The following TRPS1 variants were observed in gnomAD, a reference collection of about 807,000 sequenced individuals.
TRPS1 encodes transcriptional repressor GATA binding 1.
A neutral mutation model predicts 101.2 loss-of-function variants in TRPS1; 6 were observed. The ratio of observed to expected loss-of-function variants is 0.06; its 90% CI spans 0.03 to 0.12. The LOEUF is 0.12. Ranked by LOEUF, TRPS1 falls within the 10% of genes least tolerant of loss-of-function variation. TRPS1 has a pLI of 1.00. For synonymous variants in TRPS1, 578 were observed against 589.8 expected (o/e 0.98, Z 0.29); for missense variants, 1,363 against 1,567.0 (o/e 0.87, Z 2.20).
At chr8:115,559,071 T>C (rs1816889781) in intron 5 of TRPS1, among the ~76,000 whole-genome samples, 1 of 152,122 alleles carries the variant, frequency 6.6e-6, no homozygotes, top group South Asian at 2.1e-4. Context: ...AGATAAAACC[T>C]CTGTCTTTTA....
chr8:115,634,034 G>C lies in TRPS1; in HGVS notation c.-121-10276C>G, dbSNP rs536458103. Among the ~76,000 whole-genome samples the C allele has an allele frequency of 7.3e-5, 11 of 151,358 alleles. No homozygotes were observed. In the South Asian group the frequency reaches 2.3e-3, roughly 31 times the overall value. ...ACAAACAACAACAACAAAAAAAAAG[G>C]CAGCCCACAAATGTGCTAAGAAAAC... On this transcript the variant is annotated intron_variant, in intron 1 of 6. Coordinates refer to ENST00000395715, the MANE Select transcript of TRPS1 (RefSeq NM_014112.5).
intron 2 of TRPS1, among the ~76,000 whole-genome samples, chr8:115,622,056 A>C (rs16887572): frequency 0.034 from 5,125 of 152,256 alleles, 300 homozygotes; most frequent in African/African-American, 0.12. Flanking sequence ...TGGAAGAGTG[A>C]AGTTTCAAGT....
chr8:115,519,497 T>C (rs1392065306), intron 5 of TRPS1, among the ~76,000 whole-genome samples: 1 of 151,642 alleles, frequency 6.6e-6, no homozygotes, highest in Non-Finnish European at 1.5e-5. Flanking sequence ...TCAAAGTCCA[T>C]TTCGATAGAT....
chr8:115,515,929 C>T (rs1189616468), intron 5 of TRPS1, among the ~76,000 whole-genome samples: 1 of 151,240 alleles, frequency 6.6e-6, no homozygotes, highest in African/African-American at 2.4e-5. Context: ...TTCTCTGATT[C>T]CCTGAAAACT....
chr8:115,455,009 T>G (rs1295901725), intron 5 of TRPS1, among the ~76,000 whole-genome samples: 1 of 152,218 alleles, frequency 6.6e-6, no homozygotes, highest in Admixed American at 6.5e-5. Context: ...CACCCTCACT[T>G]GCTGCCCAAG....
chr8:115,446,488 G>T (rs772552897), intron 5 of TRPS1, among the ~76,000 whole-genome samples: 12 of 152,060 alleles, frequency 7.9e-5, no homozygotes, highest in Non-Finnish European at 2.9e-5. Flanking sequence ...AGTGACCTGG[G>T]CCTGAGGCAG....
intron 5 of TRPS1, among the ~76,000 whole-genome samples, chr8:115,535,337 G>A (rs1477226632): frequency 1.0e-4 from 10 of 97,460 alleles, no homozygotes; most frequent in African/African-American, 4.3e-4. Context: ...CATATATAGC[G>A]CATATATATA....
chr8:115,427,750 G>T (rs1205287333), intron 5 of TRPS1, among the ~76,000 whole-genome samples: 1 of 150,612 alleles, frequency 6.6e-6, no homozygotes, highest in Non-Finnish European at 1.5e-5. Flanking sequence ...AGAAAGAAAT[G>T]AGTCATCCTT....
chr8:115,466,774 CAAATTCTA>C (rs1171405435), intron 5 of TRPS1, among the ~76,000 whole-genome samples: 1 of 152,084 alleles, frequency 6.6e-6, no homozygotes, highest in Non-Finnish European at 1.5e-5. Flanking sequence ...AACACCTTTG[CAAATTCTA>C]AAAATAAAGC....
At chr8:115,445,845 A>C (rs1414491504) in intron 5 of TRPS1, among the ~76,000 whole-genome samples, 1 of 152,174 alleles carries the variant, frequency 6.6e-6, no homozygotes, top group Admixed American at 6.5e-5. Context: ...CTTACCTATA[A>C]ATATCAATGC....
rs1815077733 is a variant in TRPS1, at chr8:115,493,488, T to G, written c.2701-75036A>C. Among the ~76,000 whole-genome samples, 3 of 152,126 alleles carry G rather than the reference T, an allele frequency of 2.0e-5. 1 individual carries two copies. The South Asian group carries it at 6.2e-4, about 32-fold the overall frequency. ...CCTCAGCCTCCCAAGTGGCTAGGAT[T>G]ACACATGTGCGCCATGACGCCCAGC... On this transcript the variant is annotated intron_variant, in intron 5 of 6. Coordinates refer to ENST00000395715, the MANE Select transcript of TRPS1 (RefSeq NM_014112.5).
intron 5 of TRPS1, among the ~76,000 whole-genome samples, chr8:115,555,768 C>T (rs1586398298): frequency 6.6e-6 from 1 of 152,030 alleles, no homozygotes; most frequent in African/African-American, 2.4e-5. Flanking sequence ...CTCTTCGGGG[C>T]TAAGTGGGCA....
At chr8:115,567,841 T>G (rs7006935) in intron 5 of TRPS1, among the ~76,000 whole-genome samples, 138,825 of 151,962 alleles carry the variant, frequency 0.91, 63,637 homozygotes, top group East Asian at 1. Context: ...TTTCAGGGCG[T>G]CTGTGTAGTA....
intron 5 of TRPS1, among the ~76,000 whole-genome samples, chr8:115,463,462 A>G (rs891633970): frequency 6.6e-6 from 1 of 152,154 alleles, no homozygotes; most frequent in African/African-American, 2.4e-5. Flanking sequence ...CCTAGACACA[A>G]CAATGACAGA....
At chr8:115,559,959 A>G (rs1228583379) in intron 5 of TRPS1, among the ~76,000 whole-genome samples, 6 of 152,080 alleles carry the variant, frequency 3.9e-5, no homozygotes, top group African/African-American at 1.2e-4. Context: ...TACATTTCAA[A>G]TCTTCATCTT....
At chr8:115,483,803 G>A (rs535727640) in intron 5 of TRPS1, among the ~76,000 whole-genome samples, 14 of 152,262 alleles carry the variant, frequency 9.2e-5, no homozygotes, top group African/African-American at 2.9e-4. Context: ...AATTTGATCC[G>A]CAGAATTGAA....
intron 5 of TRPS1, among the ~76,000 whole-genome samples, chr8:115,524,737 A>G (rs1477723571): frequency 6.6e-6 from 1 of 152,232 alleles, no homozygotes; most frequent in Non-Finnish European, 1.5e-5. Flanking sequence ...CTAAAATAAT[A>G]TAAAATGGCA....
At chr8:115,628,074 T>C (rs1563655106) in intron 1 of TRPS1, among the ~76,000 whole-genome samples, 1 of 151,858 alleles carries the variant, frequency 6.6e-6, no homozygotes, top group East Asian at 1.9e-4. Context: ...TCTGTATGTG[T>C]GCATGTGCAT....
chr8:115,666,884 C>T (rs1353420429), intron 1 of TRPS1, among the ~76,000 whole-genome samples: 1 of 151,962 alleles, frequency 6.6e-6, no homozygotes, highest in African/African-American at 2.4e-5. Flanking sequence ...TCCTGTTCAC[C>T]TGGTGTGTTT....
Sources: allele counts gnomAD v4.1 joint callset (sites outside exome capture counted in the v4.1 genomes callset), GRCh38; gene constraint gnomAD v4.1.1; transcripts MANE v1.5; gene names NCBI Gene and HGNC (gene_info 2026-07-23, HGNC 2026-07-21).